Variants in DLG2 observed in about 807,000 individuals in gnomAD.
The protein encoded by DLG2 is discs large MAGUK scaffold protein 2.
Under a neutral mutation model 132.5 loss-of-function variants are expected in DLG2, and 45 were observed. The observed-to-expected ratio is 0.34, with a 90% CI of 0.27 to 0.44. The LOEUF (loss-of-function observed/expected upper bound fraction) is 0.44, where lower values mean the gene tolerates loss of function less well. Ranked by LOEUF, DLG2 falls within the 20% of genes least tolerant of loss-of-function variation. The pLI, the probability that DLG2 is intolerant of heterozygous loss-of-function variation, is 1.00. For synonymous variants in DLG2, 424 were observed against 419.6 expected (o/e 1.01, Z -0.13); for missense variants, 1,045 against 1,196.9 (o/e 0.87, Z 1.87).
intron 7 of DLG2, among the ~76,000 whole-genome samples, chr11:84,357,760 A>T (rs1411602693): frequency 2.6e-5 from 4 of 152,050 alleles, no homozygotes; most frequent in Admixed American, 1.3e-4. Flanking sequence ...TTTTCAAATT[A>T]TTACTAGTGA....
intron 17 of DLG2, among the ~76,000 whole-genome samples, chr11:83,787,002 T>C (rs985844346): frequency 2.6e-5 from 4 of 152,200 alleles, no homozygotes; most frequent in Admixed American, 2.6e-4. Flanking sequence ...GTTTGTGCCA[T>C]GGTCTGACCG....
chr11:84,803,748 A>G (rs1382832454), intron 6 of DLG2, among the ~76,000 whole-genome samples: 1 of 152,234 alleles, frequency 6.6e-6, no homozygotes, highest in Admixed American at 6.5e-5. Context: ...GTCTGCCTCG[A>G]CTAGCCCATA....
chr11:84,735,475 G>A (rs1172797716), intron 6 of DLG2, among the ~76,000 whole-genome samples: 2 of 152,088 alleles, frequency 1.3e-5, no homozygotes, highest in African/African-American at 4.8e-5. Context: ...TGTGGCATCG[G>A]TGGTGATATC....
At chr11:84,859,924 G>A (rs1483654684) in intron 6 of DLG2, among the ~76,000 whole-genome samples, 4 of 152,182 alleles carry the variant, frequency 2.6e-5, no homozygotes, top group Admixed American at 6.5e-5. Flanking sequence ...CCTCCTCTAC[G>A]CAGCCTCTCT....
At chr11:83,979,660 T>G (rs1158749428) in intron 12 of DLG2, among the ~76,000 whole-genome samples, 1 of 152,154 alleles carries the variant, frequency 6.6e-6, no homozygotes, top group Non-Finnish European at 1.5e-5. Context: ...GCAAATGAAA[T>G]AGCTATAACC....
At chr11:84,201,965 C>T (rs1029606356) in intron 8 of DLG2, among the ~76,000 whole-genome samples, 6 of 151,450 alleles carry the variant, frequency 4.0e-5, no homozygotes, top group African/African-American at 1.5e-4. Flanking sequence ...ACTACAGGTG[C>T]ATGCCACCAC....
intron 3 of DLG2, among the ~76,000 whole-genome samples, chr11:85,536,908 C>T (rs992425391): frequency 3.3e-5 from 5 of 152,196 alleles, no homozygotes; most frequent in African/African-American, 1.2e-4. Flanking sequence ...CGCAAAGTCC[C>T]ACAGTGAATG....
At chr11:84,023,412 T>C (rs2095451934) in intron 11 of DLG2, among the ~76,000 whole-genome samples, 3 of 152,192 alleles carry the variant, frequency 2.0e-5, no homozygotes, top group Non-Finnish European at 2.9e-5. Flanking sequence ...ATTATCTCTA[T>C]TTTATAAAAG....
chr11:85,189,970 TATA>T (rs1267379538), intron 4 of DLG2, among the ~76,000 whole-genome samples: 2 of 152,156 alleles, frequency 1.3e-5, no homozygotes, highest in African/African-American at 4.8e-5. Flanking sequence ...GGATGTATCT[TATA>T]ATGTATAAAT....
Position 84,163,519 on chromosome 11 carries a change from T to G in DLG2, c.574-8A>C. ...AATTTCTGTCCCATTGACCTGTAAATAGGGAAAAAATAAGAAGAGAACTAT... is the reference window on the plus strand; with the variant it reads ...AATTTCTGTCCCATTGACCTGTAAAGAGGGAAAAAATAAGAAGAGAACTAT... On this transcript the variant is annotated splice_polypyrimidine_tract_variant and splice_region_variant and intron_variant, in intron 8 of 27. Transcript: ENST00000376104. 6.3e-7 allele frequency: 1 copy of G among 1,599,806 alleles called. No homozygotes were observed. Among genetic ancestry groups the G allele is most frequent in the Non-Finnish European group, 8.5e-7 (1 of 1,173,612 alleles).
In DLG2 at chr11:84,750,385, G is replaced by A. The variant is rs2065953646; in HGVS notation, c.358-215654C>T. 3.9e-5 allele frequency among the ~76,000 whole-genome samples: 6 copies of A among 152,050 alleles called. No homozygotes were observed. The South Asian group carries it at 1.2e-3, about 32-fold the overall frequency. On this transcript the variant is annotated intron_variant, in intron 6 of 27. Coordinates refer to ENST00000376104, the MANE Select transcript of DLG2 (RefSeq NM_001142699.3). ...TACAATGAGGAAGATAAAAAGTGAG[G>A]TTTGAAGTCGGAGTCTGACTCTAGA... is the stretch of plus-strand genomic sequence containing the variant.
chr11:85,218,865 C>T (rs907024845), intron 4 of DLG2, among the ~76,000 whole-genome samples: 2 of 152,118 alleles, frequency 1.3e-5, no homozygotes, highest in East Asian at 1.9e-4. Context: ...TATATATATA[C>T]CATGGAATAC....
chr11:84,981,408 C>T (rs2055718453), intron 6 of DLG2, among the ~76,000 whole-genome samples: 1 of 152,094 alleles, frequency 6.6e-6, no homozygotes, highest in South Asian at 2.1e-4. Flanking sequence ...CTATAGGAAG[C>T]AGTGTTGAGT....
At chr11:83,506,194 C>T (rs913177910) in intron 21 of DLG2, among the ~76,000 whole-genome samples, 6 of 152,170 alleles carry the variant, frequency 3.9e-5, no homozygotes, top group Admixed American at 2.0e-4. Context: ...ATTTCCAGCT[C>T]GCTCACAGTG....
chr11:84,634,706 GT>G (rs2099637642), intron 6 of DLG2, among the ~76,000 whole-genome samples: 1 of 152,166 alleles, frequency 6.6e-6, no homozygotes, highest in Non-Finnish European at 1.5e-5. Flanking sequence ...TTTATCCAAA[GT>G]TATCCTTCTG....
At position 84,581,745 on chromosome 11, in the gene DLG2, A is replaced by G. The variant is rs547267269; in HGVS notation, c.358-47014T>C. 2.8e-3 allele frequency among the ~76,000 whole-genome samples: 428 copies of G among 152,110 alleles called. 4 individuals are homozygous for G. Among genetic ancestry groups the G allele is most frequent in the African/African-American group, 9.5e-3 (396 of 41,528 alleles). The stretch of plus-strand genomic sequence containing the variant: ...AACATGGTGAAAACCCATCTGTACT[A>G]AAAATACAAAAATTAGCCGGGCATG... On this transcript the variant is annotated intron_variant, in intron 6 of 27. Transcript: ENST00000376104.
chr11:83,577,657 A>AT lies in DLG2; in HGVS notation c.1941-35800_1941-35799insA, dbSNP rs892202390. 4.8e-5 allele frequency among the ~76,000 whole-genome samples: 6 copies of AT among 125,104 alleles called. No homozygotes were observed. The South Asian group carries it at 1.4e-3, about 29-fold the overall frequency. 82.1% of individuals were successfully genotyped at this position (125,104 alleles called of 152,430 possible). ...ATAATAGGATATATTTATAATATAT[A>AT]ATATTATAAATATATCCTATTTATA... On this transcript the variant is annotated intron_variant, in intron 19 of 27. Transcript: ENST00000376104.
intron 4 of DLG2, among the ~76,000 whole-genome samples, chr11:85,267,815 T>C (rs1422944241): frequency 1.3e-5 from 2 of 152,188 alleles, no homozygotes; most frequent in Non-Finnish European, 2.9e-5. Context: ...TTCTCTACTC[T>C]ATAACAAAAT....
intron 6 of DLG2, among the ~76,000 whole-genome samples, chr11:84,979,322 AT>A (rs2055380757): frequency 6.6e-6 from 1 of 152,190 alleles, no homozygotes; most frequent in South Asian, 2.1e-4. Context: ...TACCCAAAGG[AT>A]TATAAGTCAT....
Sources: gnomAD v4.1 joint callset for allele counts (sites outside exome capture counted in the v4.1 genomes callset) on GRCh38, gnomAD v4.1.1 for gene constraint, MANE v1.5 for transcripts, NCBI Gene and HGNC (gene_info 2026-07-23, HGNC 2026-07-21) for gene names.